Variants in NAALADL2 observed in about 807,000 individuals in gnomAD.
NAALADL2 encodes the protein N-acetylated alpha-linked acidic dipeptidase like 2.
NAALADL2 carries 76 observed loss-of-function variants against 87.2 expected under a neutral mutation model. That is an observed-to-expected ratio of 0.87 (90% confidence interval 0.72 to 1.05). The LOEUF (loss-of-function observed/expected upper bound fraction) is 1.05, where lower values mean the gene tolerates loss of function less well. Among genes scored for constraint, NAALADL2 ranks in the 50% least tolerant of loss-of-function variants. The pLI, the probability that NAALADL2 is intolerant of heterozygous loss-of-function variation, is 0.00. For synonymous variants in NAALADL2, 354 were observed against 331.0 expected (o/e 1.07, Z -0.75); for missense variants, 1,089 against 945.8 (o/e 1.15, Z -1.99).
At chr3:175,368,401 C>T (rs1765954517) in intron 5 of NAALADL2, among the ~76,000 whole-genome samples, 1 of 152,074 alleles carries the variant, frequency 6.6e-6, no homozygotes, top group Non-Finnish European at 1.5e-5. Flanking sequence ...CCCTCTTTTT[C>T]TATTGATTGG....
intron 11 of NAALADL2, among the ~76,000 whole-genome samples, chr3:175,702,344 A>G (rs1206996313): frequency 6.6e-6 from 1 of 152,180 alleles, no homozygotes; most frequent in African/African-American, 2.4e-5. Flanking sequence ...TAATGTTATT[A>G]ACAGGTTCTT....
At chr3:175,344,527 A>T (rs1376737205) in intron 5 of NAALADL2, among the ~76,000 whole-genome samples, 1 of 151,854 alleles carries the variant, frequency 6.6e-6, no homozygotes. Flanking sequence ...GTTAATTGGA[A>T]TTTTGGAAAT....
At chr3:174,732,251 A>G (rs1732775896) in intron 2 of NAALADL2, among the ~76,000 whole-genome samples, 1 of 152,164 alleles carries the variant, frequency 6.6e-6, no homozygotes, top group African/African-American at 2.4e-5. Flanking sequence ...AGTGTAATAT[A>G]GTCTTGACAC....
chr3:174,501,616 G>A (rs1718902627), intron 1 of NAALADL2, among the ~76,000 whole-genome samples: 1 of 152,110 alleles, frequency 6.6e-6, no homozygotes, highest in Non-Finnish European at 1.5e-5. Flanking sequence ...ATTCTTGAAT[G>A]AGCTTTGGCA....
intron 1 of NAALADL2, among the ~76,000 whole-genome samples, chr3:174,899,973 TA>T (rs571692214): frequency 6.6e-6 from 1 of 152,024 alleles, no homozygotes; most frequent in Non-Finnish European, 1.5e-5. Context: ...AATAAAAATT[TA>T]AAAAACTCTT....
intron 4 of NAALADL2, among the ~76,000 whole-genome samples, chr3:175,271,842 G>C (rs890003425): frequency 3.9e-5 from 6 of 152,100 alleles, no homozygotes; most frequent in African/African-American, 1.4e-4. Flanking sequence ...ATTGTGCAAA[G>C]TATATTAAGA....
intron 12 of NAALADL2, among the ~76,000 whole-genome samples, chr3:175,742,705 T>A (rs1354798488): frequency 6.6e-6 from 1 of 152,080 alleles, no homozygotes; most frequent in Non-Finnish European, 1.5e-5. Flanking sequence ...CCCTATGTAA[T>A]GTAAGTTTTG....
At chr3:174,569,092 G>T (rs1216648591) in intron 2 of NAALADL2, among the ~76,000 whole-genome samples, 3 of 151,344 alleles carry the variant, frequency 2.0e-5, no homozygotes. Context: ...TGTCGTACTT[G>T]TTTGATCATA....
At chr3:174,921,567 C>T (rs1253387649) in intron 1 of NAALADL2, among the ~76,000 whole-genome samples, 1 of 151,794 alleles carries the variant, frequency 6.6e-6, no homozygotes, top group Non-Finnish European at 1.5e-5. Context: ...TTTGGCAGGC[C>T]GAGGCAGGCG....
At chr3:175,343,653 A>ATTTTTTTTTTTTTTTT (rs1581504166) in intron 5 of NAALADL2, among the ~76,000 whole-genome samples, 7 of 52,282 alleles carry the variant, frequency 1.3e-4, no homozygotes, top group South Asian at 7.0e-4. Flanking sequence ...TGTCTTGATC[A>ATTTTTTTTTTTTTTTT]TGTTTTTTTT....
intron 10 of NAALADL2, among the ~76,000 whole-genome samples, chr3:175,588,529 C>CTTTTATTTTTTTTTTTTTTTTTT (rs1430802993): frequency 1.1e-5 from 1 of 94,488 alleles, no homozygotes; most frequent in African/African-American, 4.0e-5. Flanking sequence ...TTCTTTCTTT[C>CTTTTATTTTTTTTTTTTTTTTTT]TTTTCTTTTT....
chr3:175,046,982 G>C (rs1345569065), intron 1 of NAALADL2, among the ~76,000 whole-genome samples: 1 of 152,136 alleles, frequency 6.6e-6, no homozygotes, highest in East Asian at 1.9e-4. Flanking sequence ...TCAGTGTCTG[G>C]CAAGGGACTG....
chr3:175,696,922 T>C (rs910107946), intron 11 of NAALADL2, among the ~76,000 whole-genome samples: 6 of 152,202 alleles, frequency 3.9e-5, no homozygotes, highest in Admixed American at 2.0e-4. Flanking sequence ...AACTCCTTAC[T>C]AACCCACTTC....
chr3:175,534,110 T>C (rs1294712917), intron 9 of NAALADL2, among the ~76,000 whole-genome samples: 1 of 151,218 alleles, frequency 6.6e-6, no homozygotes, highest in East Asian at 1.9e-4. Context: ...TCCATACTAT[T>C]AGAAGTAGAG....
intron 2 of NAALADL2, among the ~76,000 whole-genome samples, chr3:174,619,333 CCTTT>C: frequency 6.6e-6 from 1 of 152,006 alleles, no homozygotes; most frequent in East Asian, 1.9e-4. Flanking sequence ...TTCATTGTTG[CCTTT>C]CTATCTCTTT....
chr3:175,230,409 C>A (rs188121764), intron 2 of NAALADL2, among the ~76,000 whole-genome samples: 10 of 151,834 alleles, frequency 6.6e-5, no homozygotes, highest in African/African-American at 2.4e-4. Flanking sequence ...ACACATATGA[C>A]CTAAAAAAGA....
chr3:175,028,393 G>C (rs1042854154), intron 1 of NAALADL2, among the ~76,000 whole-genome samples: 20 of 151,988 alleles, frequency 1.3e-4, no homozygotes, highest in African/African-American at 4.6e-4. Flanking sequence ...GTATACATTT[G>C]TCATGGAATC....
At chr3:175,227,019 T>G (rs1033012188) in intron 2 of NAALADL2, among the ~76,000 whole-genome samples, 1 of 152,082 alleles carries the variant, frequency 6.6e-6, no homozygotes, top group Non-Finnish European at 1.5e-5. Flanking sequence ...AATACTATAT[T>G]AGAAATATCA....
intron 11 of NAALADL2, among the ~76,000 whole-genome samples, chr3:175,679,760 A>G (rs1317167846): frequency 3.9e-5 from 6 of 152,200 alleles, no homozygotes. Flanking sequence ...GAAGTGAAAG[A>G]AGGCTATATT....
Sources: gnomAD v4.1 joint callset for allele counts (sites outside exome capture counted in the v4.1 genomes callset) on GRCh38, gnomAD v4.1.1 for gene constraint, MANE v1.5 for transcripts, NCBI Gene and HGNC (gene_info 2026-07-23, HGNC 2026-07-21) for gene names.